RANBP3L: variants seen among roughly 807,000 people sequenced by gnomAD.
The protein encoded by RANBP3L is ran-binding protein 3-like.
In RANBP3L, 56 loss-of-function variants were observed where a neutral mutation model predicts 67.2. The ratio of observed to expected loss-of-function variants is 0.83; its 90% CI spans 0.67 to 1.04. The LOEUF is 1.04. RANBP3L is among the 50% of genes least tolerant of loss of function. The pLI is 0.00. For missense variants in RANBP3L, 496 were observed against 535.5 expected, an observed-to-expected ratio of 0.93 and a Z score of 0.73; for synonymous variants, 164 against 181.4, an observed-to-expected ratio of 0.90 and a Z score of 0.77.
chr5:36,283,447 C>T (rs577305862), intron 1 of RANBP3L, among the ~76,000 whole-genome samples: 1 of 150,276 alleles, frequency 6.7e-6, no homozygotes, highest in Non-Finnish European at 1.5e-5. Context: ...GAGAATGAAG[C>T]TTCTTATAAC....
chr5:36,247,970 A>G lies in RANBP3L; in HGVS notation c.*1684T>C, dbSNP rs1405882508. On this transcript the variant is annotated 3_prime_UTR_variant, in exon 14 of 14. Transcript: ENST00000296604. ...TATAGTGCAATCACAATGTTCCCAC[A>G]TCAGCTGAGATCTTAACAATAAAAG... 6.6e-6 allele frequency among the ~76,000 whole-genome samples: 1 copy of G among 152,232 alleles called. No individual in the cohort carries two copies. The highest frequency in any genetic ancestry group is 1.5e-5 in the Non-Finnish European group (1 of 68,036).
chr5:36,265,541 A>T (rs780336160), intron 4 of RANBP3L, 21 bp from the exon 5 acceptor site: 10 of 1,424,034 alleles, frequency 7.0e-6, no homozygotes, highest in Admixed American at 1.8e-5. Flanking sequence ...AAATATTTAA[A>T]TTTTTTTAAA....
rs776619036 is a variant in RANBP3L at position 36,270,010 on chromosome 5, C to A, written c.151-20G>T. ...AGGTCTCTGAAAGGAAACAAAACCA[C>A]TGAGGAGAGCTGAGTATTTGCCTTT... On this transcript the variant is annotated intron_variant, in intron 2 of 13. Transcript: ENST00000296604. 6.2e-6 allele frequency: 10 copies of A among 1,606,050 alleles called. No homozygotes were observed. The highest frequency in any genetic ancestry group is 1.7e-5 in the Admixed American group (1 of 60,004).
chr5:36,284,037 G>A (rs1751164046), intron 1 of RANBP3L, among the ~76,000 whole-genome samples: 1 of 151,468 alleles, frequency 6.6e-6, no homozygotes, highest in African/African-American at 2.4e-5. Context: ...AGGCTGGAGT[G>A]CAATGGCACG....
At chr5:36,283,723 C>T (rs2112034399) in intron 1 of RANBP3L, among the ~76,000 whole-genome samples, 1 of 152,226 alleles carries the variant, frequency 6.6e-6, no homozygotes. Context: ...TAGAACAATT[C>T]CTTAAACAGG....
intron 1 of RANBP3L, among the ~76,000 whole-genome samples, chr5:36,284,732 CT>C (rs1401052312): frequency 6.6e-6 from 1 of 152,184 alleles, no homozygotes; most frequent in African/African-American, 2.4e-5. Context: ...AACTGCTAGC[CT>C]AATCAGTAAG....
At chr5:36,260,175 A>C (rs11737918) in intron 8 of RANBP3L, among the ~76,000 whole-genome samples, 47,710 of 146,990 alleles carry the variant, frequency 0.32, 8,841 homozygotes, top group South Asian at 0.49. Flanking sequence ...AAGACAGTGA[A>C]ACCCCATCTC....
intron 8 of RANBP3L, among the ~76,000 whole-genome samples, chr5:36,259,772 G>T (rs181899121): frequency 5.8e-4 from 89 of 152,174 alleles, no homozygotes; most frequent in African/African-American, 2.0e-3. Flanking sequence ...AGCTGGAAAA[G>T]GTATGAAGAT....
Position 36,247,051 on chromosome 5 carries a change from G to T in RANBP3L, c.*2603C>A, listed in dbSNP as rs1579655724. 6.6e-6 allele frequency among the ~76,000 whole-genome samples: 1 copy of T among 152,100 alleles called. No homozygotes were observed. The highest frequency in any genetic ancestry group is 2.1e-4 in the South Asian group (1 of 4,832). On this transcript the variant is annotated 3_prime_UTR_variant, in exon 14 of 14. Transcript: ENST00000296604. ...GTTAATTAAATTTTAATTAAAAACA[G>T]CTGCTTTGGAAATCCAACATGTATA...
At chr5:36,270,310 G>A (rs1463000383) in intron 2 of RANBP3L, among the ~76,000 whole-genome samples, 1 of 152,166 alleles carries the variant, frequency 6.6e-6, no homozygotes, top group Non-Finnish European at 1.5e-5. Context: ...TGGATTTTGA[G>A]GCACCTATTC....
At chr5:36,295,206 T>A (rs1400776470) in intron 1 of RANBP3L, among the ~76,000 whole-genome samples, 1 of 152,004 alleles carries the variant, frequency 6.6e-6, no homozygotes, top group Non-Finnish European at 1.5e-5. Context: ...CTGCGTGATA[T>A]GGTTTTGCTG....
intron 1 of RANBP3L, among the ~76,000 whole-genome samples, chr5:36,278,830 C>T (rs544191552): frequency 2.6e-4 from 40 of 152,218 alleles, no homozygotes; most frequent in Middle Eastern, 3.4e-3. Context: ...TTCTCACATG[C>T]AAAAGTTCGC....
Position 36,291,365 on chromosome 5 carries a change from TA to T in RANBP3L, c.91+9960del, listed in dbSNP as rs144679305. Among the ~76,000 whole-genome samples, 506 of 151,626 alleles carry T rather than the reference TA, an allele frequency of 3.3e-3. 2 individuals are homozygous for T. Among genetic ancestry groups the T allele is most frequent in the Middle Eastern group, 0.02 (6 of 294 alleles). On this transcript the variant is annotated intron_variant, in intron 1 of 13. Transcript: ENST00000296604. ...TTTTAATTTTTTATTTTTTTATTTTTATTTTTTTTCAGTTTTAGCTGTATCT... is the reference window on the plus strand; with the variant it reads ...TTTTAATTTTTTATTTTTTTATTTTTTTTTTTTTCAGTTTTAGCTGTATCT...
At chr5:36,290,092 T>C (rs1751609626) in intron 1 of RANBP3L, among the ~76,000 whole-genome samples, 2 of 152,200 alleles carry the variant, frequency 1.3e-5, no homozygotes. Flanking sequence ...TCAGTTGGTG[T>C]TGAATTTTAT....
chr5:36,257,167 T>G, intron 9 of RANBP3L, 96 bp from the exon 10 acceptor site: 11 of 1,035,242 alleles, frequency 1.1e-5, no homozygotes, highest in Non-Finnish European at 1.5e-5. Flanking sequence ...CTACTTGGCT[T>G]CTTCTAGTAG....
intron 10 of RANBP3L, among the ~76,000 whole-genome samples, chr5:36,256,468 CTGTAG>C (rs1450491679): frequency 1.3e-5 from 2 of 152,140 alleles, no homozygotes; most frequent in Non-Finnish European, 2.9e-5. Flanking sequence ...TCCTGTGATA[CTGTAG>C]TGTGTATCTG....
intron 1 of RANBP3L, among the ~76,000 whole-genome samples, chr5:36,293,713 G>T (rs1751976371): frequency 6.7e-6 from 1 of 148,192 alleles, no homozygotes. Flanking sequence ...TTATTGATTT[G>T]CATATATTGA....
chr5:36,260,220 G>T (rs866196413), intron 8 of RANBP3L, among the ~76,000 whole-genome samples: 1 of 151,638 alleles, frequency 6.6e-6, no homozygotes, highest in Admixed American at 6.6e-5. Context: ...AATTAGCCAG[G>T]TGTGGTGGCA....
At chr5:36,299,333 A>ATGTGTGTGTGTGTG (rs1387105784) in intron 1 of RANBP3L, among the ~76,000 whole-genome samples, 2 of 130,738 alleles carry the variant, frequency 1.5e-5, no homozygotes, top group African/African-American at 7.3e-5. Context: ...ACACATACAT[A>ATGTGTGTGTGTGTG]TATGTGTGTG....
Sources: allele counts gnomAD v4.1 joint callset (sites outside exome capture counted in the v4.1 genomes callset), GRCh38; gene constraint gnomAD v4.1.1; transcripts MANE v1.5; gene names NCBI Gene and HGNC (gene_info 2026-07-23, HGNC 2026-07-21).